The following LDLRAD4 variants were observed in gnomAD, a reference collection of about 807,000 sequenced individuals.
LDLRAD4 encodes the protein low-density lipoprotein receptor class A domain-containing protein 4.
In LDLRAD4, 5 loss-of-function variants were observed where a neutral mutation model predicts 17.0. That is an observed-to-expected ratio of 0.29 (90% CI 0.15 to 0.62). The LOEUF is 0.62. Ranked by LOEUF, LDLRAD4 falls within the 20% of genes least tolerant of loss-of-function variation. The probability of loss-of-function intolerance (pLI) is 0.84; values close to 1 mark genes in which losing one functional copy is unlikely to be tolerated. For synonymous variants in LDLRAD4, 168 were observed against 171.8 expected (o/e 0.98, Z 0.17); for missense variants, 340 against 424.7 (o/e 0.80, Z 1.75).
At chr18:13,407,257 T>G (rs1307322468) in intron 2 of LDLRAD4, among the ~76,000 whole-genome samples, 1 of 152,184 alleles carries the variant, frequency 6.6e-6, no homozygotes, top group Non-Finnish European at 1.5e-5. Context: ...GCTCCAGAGC[T>G]TCTCTCATCT....
intron 1 of LDLRAD4, among the ~76,000 whole-genome samples, chr18:13,345,587 C>T (rs1186007295): frequency 6.6e-6 from 1 of 152,150 alleles, no homozygotes; most frequent in Non-Finnish European, 1.5e-5. Context: ...CAGGATGATG[C>T]TGGCCTCATA....
intron 1 of LDLRAD4, among the ~76,000 whole-genome samples, chr18:13,383,493 G>T (rs1479391524): frequency 6.6e-6 from 1 of 152,226 alleles, no homozygotes; most frequent in Non-Finnish European, 1.5e-5. Context: ...GCTGAGACTG[G>T]AAAGCTGAGT....
intron 3 of LDLRAD4, among the ~76,000 whole-genome samples, chr18:13,600,501 A>G (rs2095148779): frequency 6.6e-6 from 1 of 152,358 alleles, no homozygotes; most frequent in South Asian, 2.1e-4. Context: ...ACTAAAGCCA[A>G]AATGTTCCAG....
chr18:13,318,112 G>A (rs1010873900), intron 1 of LDLRAD4, among the ~76,000 whole-genome samples: 1 of 152,192 alleles, frequency 6.6e-6, no homozygotes, highest in African/African-American at 2.4e-5. Context: ...TTCCCTGAGT[G>A]TTGTCAGCAC....
intron 1 of LDLRAD4, among the ~76,000 whole-genome samples, chr18:13,294,421 A>G (rs943928691): frequency 1.3e-5 from 2 of 152,238 alleles, no homozygotes; most frequent in Non-Finnish European, 2.9e-5. Flanking sequence ...CATTTTTGTC[A>G]TCAAAAGGAT....
chr18:13,484,616 C>A (rs1163776800), intron 3 of LDLRAD4, among the ~76,000 whole-genome samples: 1 of 152,088 alleles, frequency 6.6e-6, no homozygotes, highest in Non-Finnish European at 1.5e-5. Context: ...ACAGTGAAAC[C>A]CTGTCTCAAA....
intron 1 of LDLRAD4, among the ~76,000 whole-genome samples, chr18:13,320,919 C>T (rs550131387): frequency 5.3e-5 from 8 of 152,292 alleles, no homozygotes; most frequent in Admixed American, 3.3e-4. Flanking sequence ...GGCTCCTCTC[C>T]GTGACTGGAC....
intron 3 of LDLRAD4, among the ~76,000 whole-genome samples, chr18:13,480,878 C>T (rs2093066481): frequency 6.6e-6 from 1 of 152,214 alleles, no homozygotes; most frequent in South Asian, 2.1e-4. Flanking sequence ...CCATGACTCC[C>T]AGTGAAAACC....
intron 1 of LDLRAD4, among the ~76,000 whole-genome samples, chr18:13,331,073 A>AAT (rs35700697): frequency 3.8e-4 from 58 of 152,232 alleles, no homozygotes; most frequent in African/African-American, 1.4e-3. Flanking sequence ...AGTAAAGGTA[A>AAT]ATAAGTGTTT....
At chr18:13,610,720 TC>T (rs1369203669) in intron 3 of LDLRAD4, among the ~76,000 whole-genome samples, 1 of 152,146 alleles carries the variant, frequency 6.6e-6, no homozygotes, top group African/African-American at 2.4e-5. Context: ...GCAAGGAGCC[TC>T]GGGGCTCCAG....
rs1246022432 is a variant in LDLRAD4, at chr18:13,556,078, A to AAATCTTTATTTATCCAATTTATTTATCC, written c.182-65036_182-65035insCTTTATTTATCCAATTTATTTATCCAAT. Reference sequence around the variant, plus strand: ...TGAGATTTATGATTTGTGAACTCATAAATTGGATAAATAAAACTCATCTTC... The same window carrying AAATCTTTATTTATCCAATTTATTTATCC: ...TGAGATTTATGATTTGTGAACTCATAAATCTTTATTTATCCAATTTATTTATCCAATTGGATAAATAAAACTCATCTTC... On this transcript the variant is annotated intron_variant, in intron 3 of 5. Transcript: ENST00000359446. 1.1e-4 allele frequency among the ~76,000 whole-genome samples: 16 copies of AAATCTTTATTTATCCAATTTATTTATCC among 152,354 alleles called. 1 individual carries two copies. Among genetic ancestry groups the AAATCTTTATTTATCCAATTTATTTATCC allele is most frequent in the Middle Eastern group, 6.8e-3 (2 of 294 alleles).
chr18:13,354,361 T>C (rs1421773363), intron 1 of LDLRAD4, among the ~76,000 whole-genome samples: 2 of 152,208 alleles, frequency 1.3e-5, no homozygotes, highest in Admixed American at 6.5e-5. Flanking sequence ...ACTTTTTATT[T>C]ATGAAAAAGG....
intron 2 of LDLRAD4, among the ~76,000 whole-genome samples, chr18:13,391,114 A>C (rs1266755939): frequency 6.6e-6 from 1 of 152,146 alleles, no homozygotes; most frequent in Non-Finnish European, 1.5e-5. Flanking sequence ...GGGCTAATAG[A>C]AAGGAGTCTT....
chr18:13,379,378 AGCTGAG>A (rs2085169539), intron 1 of LDLRAD4, among the ~76,000 whole-genome samples: 2 of 152,260 alleles, frequency 1.3e-5, no homozygotes, highest in African/African-American at 4.8e-5. Flanking sequence ...GAGGTGACCT[AGCTGAG>A]GCTCAGCTAG....
intron 1 of LDLRAD4, among the ~76,000 whole-genome samples, chr18:13,254,170 G>A (rs894608171): frequency 2.6e-5 from 4 of 152,242 alleles, no homozygotes; most frequent in Non-Finnish European, 5.9e-5. Context: ...ACGGACGGGC[G>A]GTGTCGCGCC....
intron 3 of LDLRAD4, chr18:13,612,663 G>T (rs760640145): frequency 3.5e-5 from 57 of 1,613,474 alleles, no homozygotes; most frequent in East Asian, 6.7e-5. Flanking sequence ...AACGTGGGGG[G>T]GCTGCGTCAC....
intron 3 of LDLRAD4, chr18:13,564,856 T>A (rs2094580999): frequency 6.6e-6 from 1 of 152,160 alleles, no homozygotes; most frequent in South Asian, 2.1e-4. Context: ...TAGATTGGAA[T>A]CTCCTGCCTT....
chr18:13,288,426 A>T (rs1244428062), intron 1 of LDLRAD4, among the ~76,000 whole-genome samples: 1 of 152,244 alleles, frequency 6.6e-6, no homozygotes. Context: ...TCCAATTTAT[A>T]GTAAAGAAAA....
intron 3 of LDLRAD4, among the ~76,000 whole-genome samples, chr18:13,477,193 C>T (rs1160372703): frequency 2.0e-5 from 3 of 152,192 alleles, no homozygotes; most frequent in Non-Finnish European, 2.9e-5. Flanking sequence ...CTCACTTTAT[C>T]TTCTAGCAAG....
Sources: gnomAD v4.1 joint callset for allele counts (sites outside exome capture counted in the v4.1 genomes callset) on GRCh38, gnomAD v4.1.1 for gene constraint, MANE v1.5 for transcripts, NCBI Gene and HGNC (gene_info 2026-07-23, HGNC 2026-07-21) for gene names.